Variants in CAMK4 observed in about 807,000 individuals in gnomAD.
The protein encoded by CAMK4 is calcium/calmodulin-dependent protein kinase type IV.
A neutral mutation model predicts 44.9 loss-of-function variants in CAMK4; 22 were observed. The observed-to-expected ratio is 0.49, with a 90% CI of 0.35 to 0.70. The LOEUF is 0.70. Among genes scored for constraint, CAMK4 ranks in the 30% least tolerant of loss-of-function variants. The probability of loss-of-function intolerance (pLI) is 0.01; values close to 1 mark genes in which losing one functional copy is unlikely to be tolerated. For synonymous variants in CAMK4, 218 were observed against 215.4 expected, an observed-to-expected ratio of 1.01 and a Z score of -0.11; for missense variants, 498 against 586.8, an observed-to-expected ratio of 0.85 and a Z score of 1.56.
In CAMK4 at chr5:111,370,475, G is replaced by A. The variant is rs1170793124; in HGVS notation, c.241-4375G>A. 2.0e-5 allele frequency among the ~76,000 whole-genome samples: 3 copies of A among 152,006 alleles called. No individual in the cohort carries two copies. The East Asian group carries it at 5.8e-4, about 29-fold the overall frequency. ...GAAATATCTGAAAAATGGCGGGTGTGGGAGTGGGAGAAACCTGTATTACAA... is the reference window on the plus strand; with the variant it reads ...GAAATATCTGAAAAATGGCGGGTGTAGGAGTGGGAGAAACCTGTATTACAA... On this transcript the variant is annotated intron_variant, in intron 2 of 10. Coordinates refer to ENST00000282356, the MANE Select transcript of CAMK4 (RefSeq NM_001744.6).
At chr5:111,406,532 TC>T (rs1752438411) in intron 5 of CAMK4, among the ~76,000 whole-genome samples, 1 of 149,654 alleles carries the variant, frequency 6.7e-6, no homozygotes, top group Admixed American at 6.7e-5. Flanking sequence ...CCAATTTTTT[TC>T]TTTTTACGCT....
intron 5 of CAMK4, among the ~76,000 whole-genome samples, chr5:111,431,036 A>C (rs940683076): frequency 3.9e-5 from 6 of 152,230 alleles, no homozygotes; most frequent in Middle Eastern, 6.8e-3. Flanking sequence ...CAAAAACAAA[A>C]AACAAAAAAA....
chr5:111,378,804 T>G (rs1751308348), intron 4 of CAMK4, among the ~76,000 whole-genome samples: 1 of 152,176 alleles, frequency 6.6e-6, no homozygotes, highest in Non-Finnish European at 1.5e-5. Flanking sequence ...AATAATTTAC[T>G]TAACTTCTCT....
intron 9 of CAMK4, among the ~76,000 whole-genome samples, chr5:111,481,182 T>A (rs1047852829): frequency 2.0e-5 from 3 of 152,286 alleles, no homozygotes; most frequent in African/African-American, 7.2e-5. Flanking sequence ...TTCAATAAAT[T>A]CTTTGTATTT....
At chr5:111,483,392 A>AAT (rs1209567085) in intron 10 of CAMK4, among the ~76,000 whole-genome samples, 2 of 152,184 alleles carry the variant, frequency 1.3e-5, no homozygotes, top group South Asian at 2.1e-4. Context: ...TACTTAACTA[A>AAT]ATATATCATT....
intron 5 of CAMK4, among the ~76,000 whole-genome samples, chr5:111,401,728 G>A (rs306095): frequency 0.91 from 138,818 of 152,246 alleles, 63,384 homozygotes; most frequent in East Asian, 0.99. Context: ...GGAACACTAA[G>A]CTAAGTTATT....
At chr5:111,328,966 G>T in intron 1 of CAMK4, among the ~76,000 whole-genome samples, 1 of 151,812 alleles carries the variant, frequency 6.6e-6, no homozygotes, top group East Asian at 1.9e-4. Flanking sequence ...GAACATCGAT[G>T]CAAAATTCCT....
intron 1 of CAMK4, chr5:111,266,170 A>G (rs1015513044): frequency 6.6e-6 from 1 of 151,232 alleles, no homozygotes; most frequent in Non-Finnish European, 1.5e-5. Context: ...AGTAGAATAG[A>G]AGGTTTCCTA....
chr5:111,229,165 A>G (rs1425347977), intron 1 of CAMK4, among the ~76,000 whole-genome samples: 1 of 152,220 alleles, frequency 6.6e-6, no homozygotes, highest in African/African-American at 2.4e-5. Context: ...GATGTCTTAG[A>G]CTGGGTGGCT....
rs60413576 is a variant in CAMK4, at chr5:111,266,634, A to G, written c.161+41990A>G. On this transcript the variant is annotated intron_variant, in intron 1 of 10. Transcript: ENST00000282356. ...CACTCCTACCTGTTCCCACCAACAC[A>G]TGTATAGACATGCATACCCCAGATT... is the stretch of plus-strand genomic sequence containing the variant. 8.5e-3 allele frequency among the ~76,000 whole-genome samples: 1,295 copies of G among 152,312 alleles called. 19 individuals carry two copies. The highest frequency in any genetic ancestry group is 0.03 in the African/African-American group (1,242 of 41,546).
chr5:111,316,747 G>A (rs1748441364), intron 1 of CAMK4, among the ~76,000 whole-genome samples: 1 of 152,086 alleles, frequency 6.6e-6, no homozygotes, highest in African/African-American at 2.4e-5. Context: ...TGCTTTTCTG[G>A]CATTGATAAA....
At chr5:111,385,210 G>A (rs1751555096) in intron 4 of CAMK4, among the ~76,000 whole-genome samples, 1 of 152,082 alleles carries the variant, frequency 6.6e-6, no homozygotes, top group Admixed American at 6.5e-5. Flanking sequence ...TTAGAGATTG[G>A]CCCCATATTC....
chr5:111,278,379 T>C (rs1018606872), intron 1 of CAMK4, among the ~76,000 whole-genome samples: 1 of 140,210 alleles, frequency 7.1e-6, no homozygotes, highest in Non-Finnish European at 1.6e-5. Flanking sequence ...CAGGCTTGTT[T>C]GTTTTTTTTA....
intron 1 of CAMK4, among the ~76,000 whole-genome samples, chr5:111,308,799 C>A (rs1748059739): frequency 6.6e-6 from 1 of 151,940 alleles, no homozygotes; most frequent in Non-Finnish European, 1.5e-5. Context: ...AAAATGAAAC[C>A]CATTATTTAT....
chr5:111,256,701 C>T lies in CAMK4; in HGVS notation c.161+32057C>T, dbSNP rs56683946. ...ACATATAGTATTCACACATAAGTAC[C>T]AGAATAATGTGGCAGCCCAAGTCTT... On this transcript the variant is annotated intron_variant, in intron 1 of 10. Transcript: ENST00000282356. 3.7e-3 allele frequency among the ~76,000 whole-genome samples: 567 copies of T among 152,218 alleles called. 3 individuals carry two copies. The highest frequency in any genetic ancestry group is 0.013 in the African/African-American group (555 of 41,524).
chr5:111,295,858 G>C (rs758636751), intron 1 of CAMK4, among the ~76,000 whole-genome samples: 1 of 152,164 alleles, frequency 6.6e-6, no homozygotes, highest in African/African-American at 2.4e-5. Flanking sequence ...GTTTCAAAAA[G>C]TGAGGTTGAA....
intron 1 of CAMK4, among the ~76,000 whole-genome samples, chr5:111,246,283 C>G (rs1427918067): frequency 1.3e-5 from 2 of 152,224 alleles, no homozygotes; most frequent in African/African-American, 4.8e-5. Context: ...CCCAGTCTGT[C>G]TACCCCCAAG....
intron 1 of CAMK4, among the ~76,000 whole-genome samples, chr5:111,245,660 C>A (rs1007466795): frequency 1.3e-5 from 2 of 152,156 alleles, no homozygotes; most frequent in African/African-American, 4.8e-5. Flanking sequence ...ATTCCCTGAT[C>A]TAATATTTTA....
At chr5:111,325,605 T>A (rs1748850783) in intron 1 of CAMK4, among the ~76,000 whole-genome samples, 1 of 152,184 alleles carries the variant, frequency 6.6e-6, no homozygotes, top group Non-Finnish European at 1.5e-5. Flanking sequence ...ATTGTGGTTT[T>A]GATGTGCATT....
Sources: gnomAD v4.1 joint callset for allele counts (sites outside exome capture counted in the v4.1 genomes callset) on GRCh38, gnomAD v4.1.1 for gene constraint, MANE v1.5 for transcripts, NCBI Gene and HGNC (gene_info 2026-07-23, HGNC 2026-07-21) for gene names.